Variants in PTPRN2 observed in about 807,000 individuals in gnomAD.
The protein encoded by PTPRN2 is receptor-type tyrosine-protein phosphatase N2.
In PTPRN2, 74 loss-of-function variants were observed where a neutral mutation model predicts 118.8. That is an observed-to-expected ratio of 0.62 (90% CI 0.52 to 0.76). The LOEUF (loss-of-function observed/expected upper bound fraction) is 0.76, where lower values mean the gene tolerates loss of function less well. Among genes scored for constraint, PTPRN2 ranks in the 30% least tolerant of loss-of-function variants. The pLI is 0.00. For missense variants in PTPRN2, 1,481 were observed against 1,394.4 expected (o/e 1.06, Z -0.99); for synonymous variants, 641 against 608.0 (o/e 1.05, Z -0.80).
intron 11 of PTPRN2, among the ~76,000 whole-genome samples, chr7:158,061,573 T>C (rs983061780): frequency 6.6e-6 from 1 of 152,230 alleles, no homozygotes; most frequent in South Asian, 2.1e-4. Context: ...GGCAAAGTGG[T>C]GTCCACAATT....
chr7:158,193,559 G>A (rs922041697), intron 4 of PTPRN2, among the ~76,000 whole-genome samples: 2 of 152,076 alleles, frequency 1.3e-5, no homozygotes, highest in African/African-American at 2.4e-5. Context: ...CTGAGCCTGC[G>A]CCCTGTCCCC....
At chr7:158,537,228 G>A (rs202108110) in intron 1 of PTPRN2, among the ~76,000 whole-genome samples, 1 of 91,050 alleles carries the variant, frequency 1.1e-5, no homozygotes, top group African/African-American at 3.9e-5. Flanking sequence ...CAGCATATTT[G>A]TTATAGCATC....
chr7:157,643,205 A>T (rs1419098008), intron 14 of PTPRN2, among the ~76,000 whole-genome samples: 1 of 152,254 alleles, frequency 6.6e-6, no homozygotes, highest in East Asian at 1.9e-4. Context: ...TGGGGCCAGC[A>T]TGGCAGCAGG....
chr7:158,415,517 C>T (rs923451740), intron 2 of PTPRN2, among the ~76,000 whole-genome samples: 3 of 152,144 alleles, frequency 2.0e-5, no homozygotes. Context: ...CTCCGGAGTG[C>T]GGCCTGCTTA....
At chr7:158,480,667 T>C (rs1469764258) in intron 2 of PTPRN2, among the ~76,000 whole-genome samples, 1 of 152,244 alleles carries the variant, frequency 6.6e-6, no homozygotes, top group East Asian at 1.9e-4. Context: ...TTAAAAGTGC[T>C]ACTCCAGAAA....
chr7:157,747,693 G>A (rs543351667), intron 12 of PTPRN2, among the ~76,000 whole-genome samples: 1 of 135,096 alleles, frequency 7.4e-6, no homozygotes, highest in African/African-American at 2.8e-5. Flanking sequence ...GTGATTCTGA[G>A]GCCTGCGTCT....
chr7:157,572,257 G>T (rs1799791838), intron 19 of PTPRN2, among the ~76,000 whole-genome samples: 1 of 152,130 alleles, frequency 6.6e-6, no homozygotes, highest in African/African-American at 2.4e-5. Flanking sequence ...AAAGTTGTCA[G>T]TGAACTATTT....
intron 11 of PTPRN2, among the ~76,000 whole-genome samples, chr7:157,935,518 G>C (rs964391330): frequency 6.6e-6 from 1 of 152,150 alleles, no homozygotes; most frequent in Admixed American, 6.5e-5. Context: ...AGGTTCCCAC[G>C]TGTCCCCTCT....
At chr7:158,260,508 G>C (rs971144940) in intron 3 of PTPRN2, among the ~76,000 whole-genome samples, 1 of 152,158 alleles carries the variant, frequency 6.6e-6, no homozygotes, top group African/African-American at 2.4e-5. Context: ...CCTAGAAAAA[G>C]AGTCTATTTG....
chr7:158,218,556 C>T (rs1322155395), intron 3 of PTPRN2, among the ~76,000 whole-genome samples: 1 of 152,084 alleles, frequency 6.6e-6, no homozygotes, highest in African/African-American at 2.4e-5. Context: ...GCTAACAACA[C>T]AAATGACAGG....
intron 14 of PTPRN2, among the ~76,000 whole-genome samples, chr7:157,644,847 C>T (rs1424886381): frequency 6.6e-6 from 1 of 152,014 alleles, no homozygotes; most frequent in Non-Finnish European, 1.5e-5. Context: ...ACAAAAGCAG[C>T]AGCACTGTCT....
intron 3 of PTPRN2, among the ~76,000 whole-genome samples, chr7:158,209,103 C>T (rs945533293): frequency 7.3e-6 from 1 of 137,142 alleles, no homozygotes; most frequent in African/African-American, 3.2e-5. Context: ...CAAAGAAAAT[C>T]ACTTTCACTT....
intron 3 of PTPRN2, among the ~76,000 whole-genome samples, chr7:158,312,966 A>T (rs1041288854): frequency 6.7e-6 from 1 of 149,644 alleles, no homozygotes; most frequent in African/African-American, 2.5e-5. Flanking sequence ...GCGTGTGTGC[A>T]TGTCTACATG....
intron 2 of PTPRN2, among the ~76,000 whole-genome samples, chr7:158,380,333 A>G (rs1232410382): frequency 6.6e-6 from 1 of 152,216 alleles, no homozygotes; most frequent in Non-Finnish European, 1.5e-5. Flanking sequence ...GACATAATGG[A>G]GGCATAGGTA....
At chr7:158,111,255 G>A (rs1212430853) in intron 9 of PTPRN2, among the ~76,000 whole-genome samples, 1 of 152,200 alleles carries the variant, frequency 6.6e-6, no homozygotes, top group African/African-American at 2.4e-5. Flanking sequence ...GCGGATCCAT[G>A]GAGAAAGCAT....
At chr7:158,249,587 A>T (rs572361236) in intron 3 of PTPRN2, among the ~76,000 whole-genome samples, 1 of 152,142 alleles carries the variant, frequency 6.6e-6, no homozygotes, top group Non-Finnish European at 1.5e-5. Context: ...ATGCACACGC[A>T]TCACACACAT....
At chr7:158,227,093 T>G (rs879320840) in intron 3 of PTPRN2, among the ~76,000 whole-genome samples, 8 of 151,792 alleles carry the variant, frequency 5.3e-5, no homozygotes, top group Non-Finnish European at 7.4e-5. Flanking sequence ...CATCAGAGAG[T>G]GCACTGTGCG....
chr7:158,255,787 G>A (rs1015349755), intron 3 of PTPRN2, among the ~76,000 whole-genome samples: 5 of 137,076 alleles, frequency 3.6e-5, no homozygotes, highest in South Asian at 4.5e-4. Flanking sequence ...CCCTGGGCTC[G>A]CCAGCTGATG....
intron 1 of PTPRN2, among the ~76,000 whole-genome samples, chr7:158,503,804 C>G (rs1822551073): frequency 6.6e-6 from 1 of 152,094 alleles, no homozygotes. Context: ...AGTTGTAGAC[C>G]AGCCTGGCCA....
Sources: gnomAD v4.1 joint callset for allele counts (sites outside exome capture counted in the v4.1 genomes callset) on GRCh38, gnomAD v4.1.1 for gene constraint, MANE v1.5 for transcripts, NCBI Gene and HGNC (gene_info 2026-07-23, HGNC 2026-07-21) for gene names.